KAT8: variants seen among roughly 807,000 people sequenced by gnomAD.
KAT8 encodes the protein histone acetyltransferase KAT8.
A neutral mutation model predicts 62.9 loss-of-function variants in KAT8; 40 were observed. That is an observed-to-expected ratio of 0.64 (90% CI 0.49 to 0.83). KAT8 has a LOEUF of 0.83. Ranked by LOEUF, KAT8 falls within the 40% of genes least tolerant of loss-of-function variation. The pLI is 0.00. For missense variants in KAT8, 387 were observed against 614.8 expected (o/e 0.63, Z 3.92); for synonymous variants, 278 against 254.5 (o/e 1.09, Z -0.88).
chr16:31,121,993 C>T (rs764757082), intron 3 of KAT8, among the ~76,000 whole-genome samples: 4 of 151,906 alleles, frequency 2.6e-5, no homozygotes, highest in African/African-American at 9.7e-5. Flanking sequence ...TCAAGCGATC[C>T]TCCTGCCTTA....
At position 31,130,082 on chromosome 16, in the gene KAT8, C is replaced by T. The variant is rs200440215; in HGVS notation, c.837C>T (p.Asp279=). Residue 279 remains aspartate (D), a synonymous_variant, in exon 7 of 11, where the codon GAC becomes GAT. Coordinates refer to ENST00000219797, the MANE Select transcript of KAT8 (RefSeq NM_032188.3). The stretch of plus-strand genomic sequence containing the variant: ...TGGACCATAAGACACTGTACTTTGA[C>T]GTGGAGCCGTTCGTCTTTTACATCC... The part of the protein sequence containing the change: ...LFLDHKTLYF[D]VEPFVFYILT... 1.7e-5 allele frequency: 28 copies of T among 1,610,004 alleles called. No homozygotes were observed. In the East Asian group the frequency reaches 4.3e-4, roughly 25 times the overall value.
chr16:31,120,113 T>C (rs1216379529), intron 1 of KAT8, 73 bp from the exon 2 acceptor site: 3 of 1,270,464 alleles, frequency 2.4e-6, no homozygotes, highest in Non-Finnish European at 3.5e-6. Flanking sequence ...CTCTGGAAAC[T>C]GCTTCTCAGT....
chr16:31,130,670 C>T, intron 9 of KAT8, 64 bp downstream of exon 9: 7 of 1,610,866 alleles, frequency 4.3e-6, no homozygotes, highest in Middle Eastern at 1.7e-4. Flanking sequence ...ATCCTGCTTC[C>T]TCATACCCTG....
At position 31,117,790 on chromosome 16, in the gene KAT8, TCCCCGGGCCGCGTCTCTCCGCCGA is replaced by T. The variant is rs2057459310; in HGVS notation, c.116_139del (p.Gly39_Pro46del). 7.1e-7 allele frequency: 1 copy of T among 1,409,710 alleles called. No individual in the cohort carries two copies. Among genetic ancestry groups the T allele is most frequent in the Admixed American group, 2.9e-5 (1 of 34,760 alleles). The allele number at this position is 1,409,710 out of a possible 1,614,324, so 87.3% of individuals were successfully genotyped here. On this transcript the variant is annotated inframe_deletion, in exon 1 of 11. Transcript: ENST00000219797. ...TGCGGCCGCTGAGGGGACCGCCCCA[TCCCCGGGCCGCGTCTCTCCGCCGA>T]CCCCGGCGCGCGGCGAGCCGGAAGT...
Position 31,131,349 on chromosome 16 carries a change from C to G in KAT8, c.*90C>G. ...TGTTTTGTCATTTTTTTAATAAAGT[C>G]AGTTCTGGTGGCCCTGGACTTTGGA... On this transcript the variant is annotated 3_prime_UTR_variant, in exon 11 of 11. Coordinates refer to ENST00000219797, the MANE Select transcript of KAT8 (RefSeq NM_032188.3). 1.4e-6 allele frequency: 2 copies of G among 1,477,104 alleles called. No individual in the cohort carries two copies. Among genetic ancestry groups the G allele is most frequent in the East Asian group, 4.9e-5 (2 of 40,950 alleles). The allele number at this position is 1,477,104 out of a possible 1,614,324, so 91.5% of individuals were successfully genotyped here. A position where few individuals can be genotyped will look rare whatever the true frequency, so the allele number is the denominator to read the frequency against.
chr16:31,117,831 G>T lies in KAT8; in HGVS notation c.150G>T (p.Glu50Asp). Reference sequence around the variant, plus strand: ...CTCCGCCGACCCCGGCGCGCGGCGAGCCGGAAGTCACGGTGGAGATCGGAG... The same window carrying T: ...CTCCGCCGACCCCGGCGCGCGGCGATCCGGAAGTCACGGTGGAGATCGGAG... Reference protein sequence around the residue: ...RVSPPTPARGEPEVTVEIGET... With the variant: ...RVSPPTPARGDPEVTVEIGET... Residue 50 changes from glutamate to aspartate, a missense_variant, in exon 1 of 11, where the codon GAG (glutamate) becomes GAT (aspartate). Physicochemically the swap from Glu to Asp is conservative, Grantham distance 45. Around this residue, in one of 6 missense-constraint regions of KAT8, gnomAD observed 69 missense variants for 127.0 expected, o/e 0.54. Transcript: ENST00000219797. 6.9e-7 allele frequency: 1 copy of T among 1,444,586 alleles called. No individual in the cohort carries two copies. The highest frequency in any genetic ancestry group is 1.4e-5 in the South Asian group (1 of 73,366). 89.5% of individuals were successfully genotyped at this position (1,444,586 alleles called of 1,614,324 possible).
intron 4 of KAT8, 25 bp from the exon 5 acceptor site, chr16:31,127,152 AGCCGTGCACTGT>A (rs1243512028): frequency 1.2e-6 from 2 of 1,609,540 alleles, no homozygotes; most frequent in South Asian, 2.2e-5. Context: ...GCCCCTGCTG[AGCCGTGCACTGT>A]GCCTCACTCC....
chr16:31,129,537 G>A (rs1048747116), intron 6 of KAT8, among the ~76,000 whole-genome samples: 8 of 152,108 alleles, frequency 5.3e-5, no homozygotes, highest in Non-Finnish European at 7.3e-5. Context: ...AGCCAAACTC[G>A]GTCCCATTGT....
chr16:31,117,706 G>C lies in KAT8; in HGVS notation c.25G>C (p.Ala9Pro). 7.1e-7 allele frequency: 1 copy of C among 1,398,832 alleles called. No homozygotes were observed. The highest frequency in any genetic ancestry group is 9.3e-7 in the Non-Finnish European group (1 of 1,071,490). The allele number at this position is 1,398,832 out of a possible 1,614,324, so 86.7% of individuals were successfully genotyped here. A position where few individuals can be genotyped will look rare whatever the true frequency, so the allele number is the denominator to read the frequency against. The part of the protein sequence containing the change: MAAQGAAA[A>P]VAAGTSGVAG... ...GATGGCGGCACAGGGAGCTGCTGCG[G>C]CGGTTGCGGCGGGGACTTCAGGGGT... The change falls in exon 1 of 11, where the codon GCG (alanine) becomes CCG (proline). Residue 9 changes from alanine to proline, a missense_variant. Around this residue, in one of 6 missense-constraint regions of KAT8, gnomAD observed 92 missense variants for 78.8 expected, o/e 1.17. Transcript: ENST00000219797.
At chr16:31,122,376 A>C (rs2057501434) in intron 3 of KAT8, 1 of 152,182 alleles carries the variant, frequency 6.6e-6, no homozygotes, top group East Asian at 1.9e-4. Context: ...GTGTGTATAT[A>C]CAGACATGTT....
Position 31,120,211 on chromosome 16 carries a change from A to C in KAT8, c.237A>C (p.Arg79=). The C allele has an allele frequency of 2.5e-6, 4 of 1,614,122 alleles. No individual in the cohort carries two copies. Among genetic ancestry groups the C allele is most frequent in the Non-Finnish European group, 8.5e-7 (1 of 1,180,016 alleles). ...ATTCTGCTGAAGTGATCCAGTCTCG[A>C]GTGAACGACCAGGAGGGCCGAGAGG... ...TWHSAEVIQS[R]VNDQEGREEF... Residue 79 remains arginine (R), a synonymous_variant, in exon 2 of 11, where the codon CGA becomes CGC. Transcript: ENST00000219797.
At chr16:31,119,372 C>T (rs997307479) in intron 1 of KAT8, among the ~76,000 whole-genome samples, 2 of 151,986 alleles carry the variant, frequency 1.3e-5, no homozygotes, top group Non-Finnish European at 2.9e-5. Context: ...ATGGTTTTGA[C>T]CTCTTAACCT....
chr16:31,121,297 T>C (rs1596818647), intron 3 of KAT8, among the ~76,000 whole-genome samples: 1 of 151,938 alleles, frequency 6.6e-6, no homozygotes, highest in East Asian at 1.9e-4. Context: ...ATTTTTGTAT[T>C]TTTAGTAGAG....
chr16:31,130,938 G>A (rs1437242701), intron 10 of KAT8, 38 bp downstream of exon 10: 1 of 1,594,528 alleles, frequency 6.3e-7, no homozygotes, highest in Admixed American at 1.7e-5. Context: ...GGCGGTGGGG[G>A]AGTGTCAGTA....
intron 3 of KAT8, chr16:31,126,510 C>A: frequency 6.1e-6 from 1 of 162,850 alleles, no homozygotes; most frequent in Non-Finnish European, 1.4e-5. Context: ...ATGAGCAACC[C>A]AGGAGGAGGC....
chr16:31,125,283 G>T (rs2057524689), intron 3 of KAT8, among the ~76,000 whole-genome samples: 1 of 151,938 alleles, frequency 6.6e-6, no homozygotes, highest in African/African-American at 2.4e-5. Context: ...ACCTCACCTT[G>T]CCCTGCCTGT....
intron 6 of KAT8, among the ~76,000 whole-genome samples, chr16:31,128,672 G>T (rs1412266763): frequency 6.6e-6 from 1 of 152,220 alleles, no homozygotes; most frequent in Non-Finnish European, 1.5e-5. Context: ...TTCAAACTTG[G>T]GTTGTTCTGG....
Position 31,131,299 on chromosome 16 carries a change from C to T in KAT8, c.*40C>T. 3 of 1,611,742 alleles carry T rather than the reference C, an allele frequency of 1.9e-6. No homozygotes were observed. Among genetic ancestry groups the T allele is most frequent in the South Asian group, 1.1e-5 (1 of 90,878 alleles). Reference sequence around the variant, plus strand: ...GCTGTCGGACCTGAGCCTCCTGGCTCCCAGCCTGTAAATATGTATAGACCT... The same window carrying T: ...GCTGTCGGACCTGAGCCTCCTGGCTTCCAGCCTGTAAATATGTATAGACCT... On this transcript the variant is annotated 3_prime_UTR_variant, in exon 11 of 11. Transcript: ENST00000219797.
rs936253157 is a variant in KAT8, at chr16:31,127,494, G to A, written c.681+141G>A. Reference sequence around the variant, plus strand: ...GCGAGTACAGGGAAGAGCTGCTGGGGGTCAGGAGGCCTGGATTCCAGGCCT... The same window carrying A: ...GCGAGTACAGGGAAGAGCTGCTGGGAGTCAGGAGGCCTGGATTCCAGGCCT... On this transcript the variant is annotated intron_variant, in intron 5 of 10. Coordinates refer to ENST00000219797, the MANE Select transcript of KAT8 (RefSeq NM_032188.3). 20 of 856,844 alleles carry A rather than the reference G, an allele frequency of 2.3e-5. No homozygotes were observed. In the African/African-American group the frequency reaches 2.5e-4, roughly 11 times the overall value. The allele number at this position is 856,844 out of a possible 1,614,324, so 53.1% of individuals were successfully genotyped here. A position where few individuals can be genotyped will look rare whatever the true frequency, so the allele number is the denominator to read the frequency against.
Sources: gnomAD v4.1 joint callset for allele counts (sites outside exome capture counted in the v4.1 genomes callset) on GRCh38, gnomAD v4.1.1 for gene constraint, gnomAD v4.1.1 regional missense constraint, MANE v1.5 for transcripts, NCBI Gene and HGNC (gene_info 2026-07-23, HGNC 2026-07-21) for gene names.